The following SH3D19 variants were observed in gnomAD, a reference collection of about 807,000 sequenced individuals.
The protein encoded by SH3D19 is SH3 domain containing 19.
SH3D19 carries 58 observed loss-of-function variants against 112.1 expected under a neutral mutation model. The ratio of observed to expected loss-of-function variants is 0.52; its 90% confidence interval spans 0.42 to 0.64. SH3D19 has a LOEUF of 0.64. SH3D19 is among the 30% of genes least tolerant of loss of function. SH3D19 has a pLI of 0.00. For missense variants in SH3D19, 1,090 were observed against 1,263.4 expected, an observed-to-expected ratio of 0.86 and a Z score of 2.08; for synonymous variants, 391 against 448.5, an observed-to-expected ratio of 0.87 and a Z score of 1.62.
rs770263008 is a variant in SH3D19, at chr4:151,148,110, G to C, written c.1894C>G (p.Leu632Val). The change falls in exon 11 of 20, where the codon CTT becomes GTT. Residue 632 changes from leucine (L) to valine (V), a missense_variant. Transcript: ENST00000604030. ...VPPERPPPPK[L>V]SATRRSNKKL... is the part of the protein sequence containing the mutation. The stretch of plus-strand genomic sequence containing the variant: ...TTATTAGATCTTCTGGTTGCAGAAA[G>C]CTTTGGGGGAGGTGGTCTCTCAGGG... 2 of 1,614,104 alleles carry C rather than the reference G, an allele frequency of 1.2e-6. No individual in the cohort carries two copies. Among genetic ancestry groups the C allele is most frequent in the East Asian group, 4.5e-5 (2 of 44,886 alleles).
At chr4:151,249,726 T>G (rs1771212525) in intron 1 of SH3D19, among the ~76,000 whole-genome samples, 1 of 152,212 alleles carries the variant, frequency 6.6e-6, no homozygotes, top group Admixed American at 6.5e-5. Flanking sequence ...ATCTGACCTT[T>G]TTAATGCTTT....
intron 2 of SH3D19, among the ~76,000 whole-genome samples, chr4:151,200,118 G>A (rs1764183616): frequency 6.6e-6 from 1 of 152,128 alleles, no homozygotes; most frequent in Non-Finnish European, 1.5e-5. Context: ...GTCTTATCTT[G>A]AACTTCCCAG....
At chr4:151,255,799 C>A (rs1345020621) in intron 1 of SH3D19, among the ~76,000 whole-genome samples, 1 of 152,226 alleles carries the variant, frequency 6.6e-6, no homozygotes, top group Non-Finnish European at 1.5e-5. Flanking sequence ...CCGAGGCTGG[C>A]GGATCACTTG....
intron 9 of SH3D19, among the ~76,000 whole-genome samples, chr4:151,152,780 A>T (rs1413756559): frequency 6.6e-6 from 1 of 151,468 alleles, no homozygotes; most frequent in Non-Finnish European, 1.5e-5. Flanking sequence ...CGGACTCCCA[A>T]AGTGCTGGGA....
At chr4:151,186,112 G>T (rs1761737222) in intron 3 of SH3D19, among the ~76,000 whole-genome samples, 1 of 152,174 alleles carries the variant, frequency 6.6e-6, no homozygotes, top group Non-Finnish European at 1.5e-5. Context: ...CCTCAGCTCA[G>T]ATAATGCAAA....
intron 2 of SH3D19, among the ~76,000 whole-genome samples, chr4:151,196,939 G>A (rs534522901): frequency 6.6e-6 from 1 of 152,182 alleles, no homozygotes; most frequent in South Asian, 2.1e-4. Context: ...AAACCACAAT[G>A]TGATACCCCT....
Position 151,174,942 on chromosome 4 carries a change from C to T in SH3D19, c.1262G>A (p.Arg421Gln), listed in dbSNP as rs201831997. 2.7e-4 allele frequency: 435 copies of T among 1,613,940 alleles called. 2 individuals carry two copies. In the East Asian group the frequency reaches 8.0e-3, roughly 30 times the overall value. Reference sequence around the variant, plus strand: ...AACAGATTTCTTCAGCAGCAAAGGCCGCGGGGCAGGAGTTGGCACTTTCTT... The same window carrying T: ...AACAGATTTCTTCAGCAGCAAAGGCTGCGGGGCAGGAGTTGGCACTTTCTT... ...SGKKVPTPAP[R>Q]PLLLKKSVSS... Residue 421 changes from arginine (R) to glutamine (Q), a missense_variant, in exon 7 of 20, where the codon CGG becomes CAG. Transcript: ENST00000604030.
intron 1 of SH3D19, among the ~76,000 whole-genome samples, chr4:151,237,109 C>G (rs112595037): frequency 8.6e-5 from 13 of 152,030 alleles, no homozygotes; most frequent in African/African-American, 2.4e-4. Flanking sequence ...TAACATGCAC[C>G]GCGAAAGTCT....
At chr4:151,291,804 C>T (rs1775357747) in intron 1 of SH3D19, among the ~76,000 whole-genome samples, 1 of 152,124 alleles carries the variant, frequency 6.6e-6, no homozygotes, top group East Asian at 1.9e-4. Flanking sequence ...TAAGGGTCTA[C>T]CTCGTGCCCA....
rs1331973572 is a variant in SH3D19 at position 151,242,953 on chromosome 4, T to G, written c.113-16867A>C. 2.0e-5 allele frequency among the ~76,000 whole-genome samples: 3 copies of G among 152,196 alleles called. No homozygotes were observed. In the East Asian group the frequency reaches 5.8e-4, roughly 29 times the overall value. The stretch of plus-strand genomic sequence containing the variant: ...TTTGGCATTGATAGTACAACCAAGC[T>G]GTATGAATCAAGAGGGAAAAGAGAA... On this transcript the variant is annotated intron_variant, in intron 1 of 19. Coordinates refer to ENST00000604030, the MANE Select transcript of SH3D19 (RefSeq NM_001378122.1).
At chr4:151,139,151 C>CT (rs1752494535) in intron 13 of SH3D19, among the ~76,000 whole-genome samples, 1 of 150,894 alleles carries the variant, frequency 6.6e-6, no homozygotes, top group Non-Finnish European at 1.5e-5. Context: ...TTAGTACCCA[C>CT]TATTTTTTTT....
chr4:151,168,742 A>T (rs767872906), intron 7 of SH3D19, among the ~76,000 whole-genome samples: 3 of 152,036 alleles, frequency 2.0e-5, no homozygotes, highest in African/African-American at 7.2e-5. Flanking sequence ...CTGAAGTGCT[A>T]TTTCTTTAAC....
chr4:151,302,860 G>A (rs530817404), intron 1 of SH3D19, among the ~76,000 whole-genome samples: 22 of 151,496 alleles, frequency 1.5e-4, no homozygotes, highest in Middle Eastern at 6.9e-3. Context: ...ACACACCGGG[G>A]CCTGTCGTGG....
chr4:151,282,045 T>G lies in SH3D19; in HGVS notation c.112+43196A>C. Reference sequence around the variant, plus strand: ...TGGAAGCACCATGGTTAATTCCCAGTTGGCTACCCTCCTTTCTTGAGTAGA... The same window carrying G: ...TGGAAGCACCATGGTTAATTCCCAGGTGGCTACCCTCCTTTCTTGAGTAGA... On this transcript the variant is annotated intron_variant, in intron 1 of 19. Coordinates refer to ENST00000604030, the MANE Select transcript of SH3D19 (RefSeq NM_001378122.1). The G allele has an allele frequency of 3.4e-6, 4 of 1,190,238 alleles. No homozygotes were observed. In the East Asian group the frequency reaches 7.0e-5, roughly 21 times the overall value. The allele number at this position is 1,190,238 out of a possible 1,614,324, so 73.7% of individuals were successfully genotyped here.
chr4:151,218,510 T>C (rs977191752), intron 2 of SH3D19, among the ~76,000 whole-genome samples: 2 of 152,056 alleles, frequency 1.3e-5, no homozygotes, highest in East Asian at 3.9e-4. Flanking sequence ...ACTCCTGGGA[T>C]CAAGCAATCC....
chr4:151,205,206 A>G (rs1229315894), intron 2 of SH3D19, among the ~76,000 whole-genome samples: 1 of 152,214 alleles, frequency 6.6e-6, no homozygotes, highest in African/African-American at 2.4e-5. Flanking sequence ...TTGTACAAAC[A>G]GGAAGTACAG....
At chr4:151,221,787 G>C (rs143208390) in intron 2 of SH3D19, among the ~76,000 whole-genome samples, 1 of 152,088 alleles carries the variant, frequency 6.6e-6, no homozygotes, top group Admixed American at 6.6e-5. Flanking sequence ...AATACTTTCC[G>C]AATACCCTCA....
intron 18 of SH3D19, among the ~76,000 whole-genome samples, 199 bp from the exon 19 acceptor site, chr4:151,127,914 A>G (rs2149727002): frequency 6.6e-6 from 1 of 152,374 alleles, no homozygotes; most frequent in East Asian, 1.9e-4. Context: ...AAAGATGAAC[A>G]ATGTTCTTTT....
At chr4:151,143,286 CTTTTTG>C (rs1221345827) in intron 12 of SH3D19, among the ~76,000 whole-genome samples, 1 of 151,368 alleles carries the variant, frequency 6.6e-6, no homozygotes, top group East Asian at 1.9e-4. Context: ...CAAAGGAAAG[CTTTTTG>C]GCAGTATAAC....
Sources: gnomAD v4.1 joint callset for allele counts (sites outside exome capture counted in the v4.1 genomes callset) on GRCh38, gnomAD v4.1.1 for gene constraint, MANE v1.5 for transcripts, NCBI Gene and HGNC (gene_info 2026-07-23, HGNC 2026-07-21) for gene names.